Variants in SRPK2 observed in about 807,000 individuals in gnomAD.
SRPK2 encodes SRSF protein kinase 2, also known as SFRS protein kinase 2.
In SRPK2, 21 loss-of-function variants were observed where a neutral mutation model predicts 90.8. The observed-to-expected ratio is 0.23, with a 90% confidence interval of 0.16 to 0.33. The LOEUF (loss-of-function observed/expected upper bound fraction) is 0.33, where lower values mean the gene tolerates loss of function less well. SRPK2 is among the 10% of genes least tolerant of loss of function. SRPK2 has a pLI of 1.00. For missense variants in SRPK2, 620 were observed against 869.0 expected (o/e 0.71, Z 3.60); for synonymous variants, 288 against 311.1 (o/e 0.93, Z 0.78).
intron 2 of SRPK2, among the ~76,000 whole-genome samples, chr7:105,331,853 G>T (rs895889475): frequency 2.0e-5 from 3 of 152,158 alleles, no homozygotes; most frequent in Non-Finnish European, 4.4e-5. Flanking sequence ...CAAAGCTGAC[G>T]ACAGAAGGAA....
chr7:105,168,163 G>T, intron 4 of SRPK2, 68 bp from the exon 5 acceptor site: 1 of 1,292,676 alleles, frequency 7.7e-7, no homozygotes, highest in Non-Finnish European at 1.1e-6. Context: ...CTGGTATCCA[G>T]GTTGAGCATC....
intron 3 of SRPK2, among the ~76,000 whole-genome samples, chr7:105,169,544 T>C (rs1017784494): frequency 2.0e-5 from 3 of 152,052 alleles, no homozygotes; most frequent in African/African-American, 7.2e-5. Context: ...CTGGCCAACA[T>C]GGTGAAATCC....
chr7:105,137,567 G>T (rs1482339457), intron 11 of SRPK2, among the ~76,000 whole-genome samples: 1 of 152,114 alleles, frequency 6.6e-6, no homozygotes, highest in Non-Finnish European at 1.5e-5. Context: ...TAGCCCACAG[G>T]TAAGACCAAC....
chr7:105,317,702 TAAAGA>T (rs1359381799), intron 2 of SRPK2, among the ~76,000 whole-genome samples: 1 of 152,230 alleles, frequency 6.6e-6, no homozygotes, highest in African/African-American at 2.4e-5. Flanking sequence ...AGCCAGACAT[TAAAGA>T]AATTTTCAAA....
At chr7:105,304,157 T>C (rs1284078793) in intron 2 of SRPK2, 4 of 152,190 alleles carry the variant, frequency 2.6e-5, no homozygotes, top group East Asian at 1.9e-4. Context: ...ATTGGACCCA[T>C]TGTTCAAGAC....
intron 2 of SRPK2, among the ~76,000 whole-genome samples, chr7:105,249,739 G>A (rs1802223385): frequency 6.6e-6 from 1 of 151,788 alleles, no homozygotes; most frequent in South Asian, 2.1e-4. Flanking sequence ...ATATATGTCT[G>A]GTCAAAATCA....
chr7:105,154,142 G>A (rs1806155149), intron 7 of SRPK2, among the ~76,000 whole-genome samples: 1 of 152,198 alleles, frequency 6.6e-6, no homozygotes, highest in Non-Finnish European at 1.5e-5. Flanking sequence ...ATCTCTAACT[G>A]GTGAGAATTA....
At chr7:105,293,217 G>C (rs1401994007) in intron 2 of SRPK2, among the ~76,000 whole-genome samples, 1 of 151,868 alleles carries the variant, frequency 6.6e-6, no homozygotes, top group African/African-American at 2.4e-5. Context: ...ATAACTGCTT[G>C]AACCAGGGAG....
chr7:105,389,524 A>G, upstream of SRPK2: 2 of 773,676 alleles, frequency 2.6e-6, no homozygotes, highest in South Asian at 4.5e-5. Flanking sequence ...AATGAAGGAA[A>G]AGATACAGAT....
intron 13 of SRPK2, among the ~76,000 whole-genome samples, chr7:105,128,839 C>T (rs1244827884): frequency 6.6e-6 from 1 of 152,072 alleles, no homozygotes; most frequent in Admixed American, 6.5e-5. Context: ...GGACTACAGG[C>T]GCACTACACT....
At chr7:105,375,349 G>A (rs1352162683) in intron 2 of SRPK2, among the ~76,000 whole-genome samples, 2 of 152,108 alleles carry the variant, frequency 1.3e-5, no homozygotes, top group Admixed American at 6.6e-5. Flanking sequence ...TAACAAGTGG[G>A]TATGGGGGTA....
chr7:105,334,453 C>T (rs1388044884), intron 2 of SRPK2, among the ~76,000 whole-genome samples: 3 of 151,896 alleles, frequency 2.0e-5, no homozygotes, highest in Non-Finnish European at 4.4e-5. Context: ...CGAACTCCGA[C>T]CTCATGATCC....
At chr7:105,337,740 G>T (rs1815276946) in intron 2 of SRPK2, among the ~76,000 whole-genome samples, 1 of 152,156 alleles carries the variant, frequency 6.6e-6, no homozygotes, top group African/African-American at 2.4e-5. Context: ...ACCTGACCAT[G>T]CTGGCAGCCT....
chr7:105,225,325 T>A (rs1798584214), intron 2 of SRPK2, among the ~76,000 whole-genome samples: 1 of 152,376 alleles, frequency 6.6e-6, no homozygotes, highest in East Asian at 1.9e-4. Context: ...CAATATGTAT[T>A]GGGAGAATCA....
intron 3 of SRPK2, 80 bp from the exon 4 acceptor site, chr7:105,169,345 T>C: frequency 9.2e-7 from 1 of 1,085,552 alleles, no homozygotes; most frequent in Middle Eastern, 2.0e-4. Flanking sequence ...TTGTCATTCT[T>C]GATGTCATTA....
chr7:105,279,884 C>A (rs976753387), intron 2 of SRPK2, among the ~76,000 whole-genome samples: 2 of 152,152 alleles, frequency 1.3e-5, no homozygotes, highest in Non-Finnish European at 2.9e-5. Context: ...TTACCAAACT[C>A]AAGGTGAAAC....
intron 11 of SRPK2, among the ~76,000 whole-genome samples, chr7:105,138,644 A>T (rs1408168932): frequency 6.6e-6 from 1 of 152,178 alleles, no homozygotes; most frequent in Non-Finnish European, 1.5e-5. Context: ...TCTACCAAAA[A>T]TATAAAAGTT....
chr7:105,251,253 C>T (rs887502124), intron 2 of SRPK2, among the ~76,000 whole-genome samples: 2 of 152,214 alleles, frequency 1.3e-5, no homozygotes, highest in African/African-American at 4.8e-5. Flanking sequence ...TGTAAAAGAT[C>T]TGGTGTTTCT....
At chr7:105,317,526 C>A (rs187705777) in intron 2 of SRPK2, among the ~76,000 whole-genome samples, 15 of 152,234 alleles carry the variant, frequency 9.9e-5, no homozygotes, top group Non-Finnish European at 1.3e-4. Context: ...AATTTGGGAA[C>A]CTGACAGACA....
Sources: gnomAD v4.1 joint callset for allele counts (sites outside exome capture counted in the v4.1 genomes callset) on GRCh38, gnomAD v4.1.1 for gene constraint, MANE v1.5 for transcripts, NCBI Gene and HGNC (gene_info 2026-07-23, HGNC 2026-07-21) for gene names.